Variants in CYP4F3 observed in about 807,000 individuals in gnomAD.
CYP4F3 encodes cytochrome P450 4F3.
Under a neutral mutation model 54.8 loss-of-function variants are expected in CYP4F3, and 50 were observed. That is an observed-to-expected ratio of 0.91 (90% CI 0.73 to 1.16). The LOEUF is 1.16. CYP4F3 is among the 50% of genes most tolerant of loss of function. The probability of loss-of-function intolerance (pLI) is 0.00; values close to 1 mark genes in which losing one functional copy is unlikely to be tolerated. For synonymous variants in CYP4F3, 244 were observed against 262.6 expected (o/e 0.93, Z 0.69); for missense variants, 715 against 676.2 (o/e 1.06, Z -0.64).
At chr19:15,645,604 G>A (rs1972599178) in intron 2 of CYP4F3, 115 bp from the exon 3 acceptor site, 2 of 1,380,672 alleles carry the variant, frequency 1.4e-6, no homozygotes, top group South Asian at 1.4e-5. Flanking sequence ...GCACTGAGAG[G>A]GAGATGAGAT....
rs1353048645 is a variant in CYP4F3 at position 15,652,822 on chromosome 19, G to C, written c.986-1G>C. On this transcript the variant is annotated splice_acceptor_variant, in intron 8 of 12. Coordinates refer to ENST00000221307, the MANE Select transcript of CYP4F3 (RefSeq NM_000896.3). LOFTEE classifies it high-confidence loss of function. ...CCCAAGCCTGCCTTGCTGCCCCCCAGGCCATGACACCACAGCCAGTGGTCT... is the reference window on the plus strand; with the variant it reads ...CCCAAGCCTGCCTTGCTGCCCCCCACGCCATGACACCACAGCCAGTGGTCT... 1.2e-6 allele frequency: 2 copies of C among 1,610,772 alleles called. No individual in the cohort carries two copies. The highest frequency in any genetic ancestry group is 1.7e-6 in the Non-Finnish European group (2 of 1,178,330).
At chr19:15,645,992 C>T (rs761993014) in intron 3 of CYP4F3, 129 bp downstream of exon 3, 30 of 1,271,470 alleles carry the variant, frequency 2.4e-5, no homozygotes, top group Non-Finnish European at 3.1e-5. Flanking sequence ...GGTGGAGATG[C>T]CACTGCTTCC....
chr19:15,648,134 A>AT (rs1378612082), intron 5 of CYP4F3, among the ~76,000 whole-genome samples: 1 of 152,062 alleles, frequency 6.6e-6, no homozygotes, highest in East Asian at 1.9e-4. Flanking sequence ...AGTGTTTAGA[A>AT]TTTTTTAACT....
At chr19:15,646,006 TC>T in intron 3 of CYP4F3, 143 bp downstream of exon 3, 3 of 1,224,476 alleles carry the variant, frequency 2.5e-6, no homozygotes, top group Non-Finnish European at 2.2e-6. Flanking sequence ...TGCTTCCATC[TC>T]CCCTGGACTT....
intron 2 of CYP4F3, among the ~76,000 whole-genome samples, chr19:15,644,663 C>T (rs1027547910): frequency 5.3e-5 from 8 of 152,190 alleles, no homozygotes; most frequent in African/African-American, 1.4e-4. Context: ...GGGTCAAGTC[C>T]TTTTACCCCA....
rs1973189366 is a variant in CYP4F3 at position 15,661,850 on chromosome 19, T to A, written c.*2465T>A. ...TTTCTCCTACATTTTCTTTTAAAAG[T>A]TTTATAGTTTCAGAGTTTACATGTA... is the stretch of plus-strand genomic sequence containing the variant. On this transcript the variant is annotated 3_prime_UTR_variant, in exon 13 of 13. Coordinates refer to ENST00000221307, the MANE Select transcript of CYP4F3 (RefSeq NM_000896.3). 1.3e-5 allele frequency: 2 copies of A among 152,314 alleles called. No individual in the cohort carries two copies. The highest frequency in any genetic ancestry group is 4.1e-4 in the South Asian group (2 of 4,828). 9.4% of individuals were successfully genotyped at this position (152,314 alleles called of 1,614,324 possible). A position where few individuals can be genotyped will look rare whatever the true frequency, so the allele number is the denominator to read the frequency against.
chr19:15,658,134 A>C, intron 9 of CYP4F3, 130 bp from the exon 10 acceptor site: 6 of 1,546,208 alleles, frequency 3.9e-6, no homozygotes, highest in Non-Finnish European at 5.2e-6. Context: ...TATTCCTGCG[A>C]CTTTGTAACA....
intron 2 of CYP4F3, 84 bp from the exon 3 acceptor site, chr19:15,645,635 A>G: frequency 6.7e-7 from 1 of 1,490,254 alleles, no homozygotes; most frequent in Non-Finnish European, 9.0e-7. Flanking sequence ...ATTCTCAGGG[A>G]GAGGGCTTCC....
At chr19:15,648,109 G>T (rs996466926) in intron 5 of CYP4F3, among the ~76,000 whole-genome samples, 4 of 152,032 alleles carry the variant, frequency 2.6e-5, no homozygotes, top group Non-Finnish European at 4.4e-5. Flanking sequence ...AAGAATTGGG[G>T]CGAAGGTTTT....
At position 15,642,057 on chromosome 19, in the gene CYP4F3, C is replaced by T. The variant is rs28371532; in HGVS notation, c.198+444C>T. ...GGCTGTCTCTCACCTCCACCACATC[C>T]GGAGGCACCTTCCTCTTATCTTGTT... On this transcript the variant is annotated intron_variant, in intron 2 of 12. Transcript: ENST00000221307. Among the ~76,000 whole-genome samples, 798 of 152,238 alleles carry T rather than the reference C, an allele frequency of 5.2e-3. 6 individuals carry two copies. The highest frequency in any genetic ancestry group is 7.8e-3 in the Non-Finnish European group (532 of 68,004).
Position 15,645,703 on chromosome 19 carries a change from G to C in CYP4F3, c.199-16G>C. 2 of 1,596,624 alleles carry C rather than the reference G, an allele frequency of 1.3e-6. No homozygotes were observed. Among genetic ancestry groups the C allele is most frequent in the Non-Finnish European group, 1.7e-6 (2 of 1,168,074 alleles). ...CCTAGGAGAGCATGAATTGGGTCCTGTGTCTTTCTCTCCAGATTCACAGCT... is the reference window on the plus strand; with the variant it reads ...CCTAGGAGAGCATGAATTGGGTCCTCTGTCTTTCTCTCCAGATTCACAGCT... On this transcript the variant is annotated splice_polypyrimidine_tract_variant and intron_variant, in intron 2 of 12. Coordinates refer to ENST00000221307, the MANE Select transcript of CYP4F3 (RefSeq NM_000896.3).
At chr19:15,644,560 C>A (rs547830426) in intron 2 of CYP4F3, among the ~76,000 whole-genome samples, 2 of 151,494 alleles carry the variant, frequency 1.3e-5, no homozygotes, top group South Asian at 2.1e-4. Context: ...CCAGGTCTAG[C>A]GTCACCTTGC....
Position 15,647,210 on chromosome 19 carries a change from G to C in CYP4F3, c.411G>C (p.Leu137=), listed in dbSNP as rs752137142. The C allele has an allele frequency of 6.2e-7, 1 of 1,614,232 alleles. No homozygotes were observed. The highest frequency in any genetic ancestry group is 8.5e-7 in the Non-Finnish European group (1 of 1,180,044). ...CTGCCCTGCCAGGGGATGGGCTCCT[G>C]CTGAGTGCTGGTGAAAAGTGGAGCC... ...FLKPWLGDGL[L]LSAGEKWSRH... The change falls in exon 5 of 13, where the codon CTG becomes CTC. Residue 137 remains leucine, a synonymous_variant. Coordinates refer to ENST00000221307, the MANE Select transcript of CYP4F3 (RefSeq NM_000896.3).
In CYP4F3 at chr19:15,662,489, A is replaced by G. The variant is rs1454351029; in HGVS notation, c.*3104A>G. On this transcript the variant is annotated 3_prime_UTR_variant, in exon 13 of 13. Coordinates refer to ENST00000221307, the MANE Select transcript of CYP4F3 (RefSeq NM_000896.3). ...TTAAAGGAGTAATGGGAATCCTTCAACTACATTTTTTCCCCAATAATTTTT... is the reference window on the plus strand; with the variant it reads ...TTAAAGGAGTAATGGGAATCCTTCAGCTACATTTTTTCCCCAATAATTTTT... 9.0e-6 allele frequency: 1 copy of G among 111,586 alleles called. No individual in the cohort carries two copies. The highest frequency in any genetic ancestry group is 1.8e-5 in the Non-Finnish European group (1 of 54,436). 6.9% of individuals were successfully genotyped at this position (111,586 alleles called of 1,614,324 possible). A position where few individuals can be genotyped will look rare whatever the true frequency, so the allele number is the denominator to read the frequency against.
rs777621665 is a variant in CYP4F3 at position 15,652,575 on chromosome 19, G to T, written c.925G>T (p.Asp309Tyr). ...IDVLLLSKDE[D>Y]GKKLSDEDIR... Reference sequence around the variant, plus strand: ...GTTATTGCCTTCTCTCCAGGATGAAGATGGGAAGAAGTTGTCCGATGAGGA... The same window carrying T: ...GTTATTGCCTTCTCTCCAGGATGAATATGGGAAGAAGTTGTCCGATGAGGA... Residue 309 changes from aspartate to tyrosine, a missense_variant, in exon 8 of 13, where the codon GAT (aspartate) becomes TAT (tyrosine). Asp to Tyr is a radical substitution (Grantham distance 160). Transcript: ENST00000221307. 5 of 1,614,096 alleles carry T rather than the reference G, an allele frequency of 3.1e-6. No homozygotes were observed. The Admixed American group carries it at 8.3e-5, about 27-fold the overall frequency.
intron 11 of CYP4F3, 27 bp from the exon 12 acceptor site, chr19:15,658,700 G>C (rs549547977): frequency 1.2e-6 from 2 of 1,612,978 alleles, no homozygotes; most frequent in Non-Finnish European, 1.7e-6. Flanking sequence ...GACCCCACCC[G>C]GCAACCCTTC....
intron 5 of CYP4F3, among the ~76,000 whole-genome samples, chr19:15,648,660 A>G (rs1599888700): frequency 6.6e-6 from 1 of 152,286 alleles, no homozygotes; most frequent in East Asian, 1.9e-4. Context: ...CCATTCCATG[A>G]TACGAGTATA....
Position 15,652,561 on chromosome 19 carries a change from C to A in CYP4F3, c.919-8C>A. The A allele has an allele frequency of 6.2e-7, 1 of 1,614,090 alleles. No homozygotes were observed. Among genetic ancestry groups the A allele is most frequent in the Admixed American group, 1.7e-5 (1 of 60,008 alleles). On this transcript the variant is annotated splice_region_variant and splice_polypyrimidine_tract_variant and intron_variant, in intron 7 of 12. Coordinates refer to ENST00000221307, the MANE Select transcript of CYP4F3 (RefSeq NM_000896.3). ...GGTGGGGGTGGGGGGTTATTGCCTT[C>A]TCTCCAGGATGAAGATGGGAAGAAG...
intron 2 of CYP4F3, among the ~76,000 whole-genome samples, chr19:15,642,865 A>G (rs1316721628): frequency 6.7e-6 from 1 of 148,724 alleles, no homozygotes; most frequent in Non-Finnish European, 1.5e-5. Flanking sequence ...GGATGGATGG[A>G]CAGATGGATG....
Sources: allele counts gnomAD v4.1 joint callset (sites outside exome capture counted in the v4.1 genomes callset), GRCh38; gene constraint gnomAD v4.1.1; transcripts MANE v1.5; gene names NCBI Gene and HGNC (gene_info 2026-07-23, HGNC 2026-07-21).